Variants in INPP4B observed in about 807,000 individuals in gnomAD.
The protein encoded by INPP4B is inositol polyphosphate-4-phosphatase type II B.
A neutral mutation model predicts 122.5 loss-of-function variants in INPP4B; 55 were observed. The ratio of observed to expected loss-of-function variants is 0.45; its 90% CI spans 0.36 to 0.56. The LOEUF (loss-of-function observed/expected upper bound fraction) is 0.56, where lower values mean the gene tolerates loss of function less well. INPP4B is among the 20% of genes least tolerant of loss of function. INPP4B has a pLI of 0.00. For missense variants in INPP4B, 1,000 were observed against 1,097.7 expected (o/e 0.91, Z 1.26); for synonymous variants, 403 against 388.7 (o/e 1.04, Z -0.43).
intron 2 of INPP4B, among the ~76,000 whole-genome samples, chr4:142,548,935 T>A (rs1014799369): frequency 1.3e-5 from 2 of 152,094 alleles, no homozygotes; most frequent in Non-Finnish European, 2.9e-5. Context: ...TGTGCTATAA[T>A]AAAATTATGT....
intron 1 of INPP4B, among the ~76,000 whole-genome samples, chr4:142,822,971 T>C (rs1580998117): frequency 6.6e-6 from 1 of 152,324 alleles, no homozygotes; most frequent in East Asian, 1.9e-4. Context: ...ATCCTACTCT[T>C]GGATCTGGGT....
intron 2 of INPP4B, among the ~76,000 whole-genome samples, chr4:142,575,583 A>G (rs900718431): frequency 6.6e-6 from 1 of 152,060 alleles, no homozygotes; most frequent in Non-Finnish European, 1.5e-5. Flanking sequence ...CGATGAAATA[A>G]TCAGAATAGG....
intron 25 of INPP4B, among the ~76,000 whole-genome samples, chr4:142,071,871 A>C (rs1404737604): frequency 1.3e-5 from 2 of 152,186 alleles, no homozygotes; most frequent in African/African-American, 4.8e-5. Flanking sequence ...AAATAGGAAC[A>C]CCTTTACACT....
intron 7 of INPP4B, among the ~76,000 whole-genome samples, chr4:142,371,863 C>T (rs569090900): frequency 3.6e-4 from 55 of 150,898 alleles, no homozygotes; most frequent in African/African-American, 5.3e-4. Flanking sequence ...TTATGGAAAA[C>T]GGCATGGAAG....
intron 1 of INPP4B, among the ~76,000 whole-genome samples, chr4:142,808,365 A>G (rs1320859229): frequency 6.6e-6 from 1 of 152,212 alleles, no homozygotes; most frequent in Non-Finnish European, 1.5e-5. Flanking sequence ...GAAGATACAT[A>G]AGAAAATGAC....
chr4:142,797,160 G>A (rs1777364598), intron 1 of INPP4B, among the ~76,000 whole-genome samples: 1 of 151,920 alleles, frequency 6.6e-6, no homozygotes, highest in South Asian at 2.1e-4. Flanking sequence ...TTAATCTAAT[G>A]GAATGTTCCT....
intron 14 of INPP4B, among the ~76,000 whole-genome samples, chr4:142,194,290 C>T (rs1221144142): frequency 6.6e-6 from 1 of 152,166 alleles, no homozygotes; most frequent in Non-Finnish European, 1.5e-5. Context: ...ACTGTGTCCT[C>T]TTTAAAAAGT....
At chr4:142,030,007 A>AAC in intron 25 of INPP4B, 2 of 1,380,916 alleles carry the variant, frequency 1.4e-6, no homozygotes, top group Non-Finnish European at 1.9e-6. Context: ...AAACAAACTA[A>AAC]ACACAATTTA....
intron 2 of INPP4B, among the ~76,000 whole-genome samples, chr4:142,659,002 T>C (rs574666674): frequency 1.3e-5 from 2 of 152,330 alleles, no homozygotes; most frequent in East Asian, 1.9e-4. Context: ...AAGGCGTATG[T>C]AGAAATAATC....
chr4:142,569,483 G>A (rs1164808534), intron 2 of INPP4B, among the ~76,000 whole-genome samples: 1 of 151,926 alleles, frequency 6.6e-6, no homozygotes, highest in Non-Finnish European at 1.5e-5. Flanking sequence ...AAACCTATGA[G>A]GTGAACTCTG....
At chr4:142,215,115 C>T (rs559364084) in intron 12 of INPP4B, among the ~76,000 whole-genome samples, 17 of 152,196 alleles carry the variant, frequency 1.1e-4, no homozygotes, top group African/African-American at 1.9e-4. Flanking sequence ...CAGGATGCTA[C>T]GGTTGGAAGG....
At chr4:142,353,464 T>C (rs1782585898) in intron 7 of INPP4B, among the ~76,000 whole-genome samples, 1 of 151,954 alleles carries the variant, frequency 6.6e-6, no homozygotes, top group Non-Finnish European at 1.5e-5. Context: ...CTTTCAGAAG[T>C]TTTTAAAAGG....
intron 2 of INPP4B, among the ~76,000 whole-genome samples, chr4:142,472,447 A>T (rs1487572465): frequency 2.0e-5 from 3 of 152,226 alleles, no homozygotes; most frequent in African/African-American, 7.2e-5. Context: ...TCTCTGGAAG[A>T]AAAGCAGACA....
intron 2 of INPP4B, among the ~76,000 whole-genome samples, chr4:142,664,664 G>T (rs947950651): frequency 6.6e-6 from 1 of 151,018 alleles, no homozygotes; most frequent in Non-Finnish European, 1.5e-5. Flanking sequence ...TTAATTGAAA[G>T]GAAAGCATCA....
At chr4:142,637,927 T>G (rs1749530276) in intron 2 of INPP4B, among the ~76,000 whole-genome samples, 1 of 152,200 alleles carries the variant, frequency 6.6e-6, no homozygotes, top group Non-Finnish European at 1.5e-5. Flanking sequence ...GTTGTTTAAT[T>G]TTGCAGTTCT....
intron 1 of INPP4B, among the ~76,000 whole-genome samples, chr4:142,811,878 A>G (rs1163192485): frequency 6.6e-6 from 1 of 152,224 alleles, no homozygotes. Context: ...AGCACATAGT[A>G]GTTCTCAAAA....
At chr4:142,048,620 G>C (rs2667096) in intron 25 of INPP4B, among the ~76,000 whole-genome samples, 1 of 151,712 alleles carries the variant, frequency 6.6e-6, no homozygotes, top group Non-Finnish European at 1.5e-5. Context: ...TGAACTAAGG[G>C]TGAACGATAA....
chr4:142,056,531 T>C (rs1462318446), intron 25 of INPP4B, among the ~76,000 whole-genome samples: 2 of 152,058 alleles, frequency 1.3e-5, no homozygotes, highest in Non-Finnish European at 2.9e-5. Context: ...TGGAAACATT[T>C]AATCTCACTA....
chr4:142,610,289 G>A (rs1254497263), intron 2 of INPP4B, among the ~76,000 whole-genome samples: 1 of 152,090 alleles, frequency 6.6e-6, no homozygotes, highest in East Asian at 1.9e-4. Flanking sequence ...CAATGATTGT[G>A]AGGCCTCCCA....
Sources: allele counts gnomAD v4.1 joint callset (sites outside exome capture counted in the v4.1 genomes callset), GRCh38; gene constraint gnomAD v4.1.1; transcripts MANE v1.5; gene names NCBI Gene and HGNC (gene_info 2026-07-23, HGNC 2026-07-21).